Variants in ATIC observed in about 807,000 individuals in gnomAD.
The protein encoded by ATIC is bifunctional purine biosynthesis protein ATIC.
ATIC carries 64 observed loss-of-function variants against 72.5 expected under a neutral mutation model. That is an observed-to-expected ratio of 0.88 (90% CI 0.72 to 1.09). The LOEUF is 1.09. Ranked by LOEUF, ATIC falls within the 50% of genes least tolerant of loss-of-function variation. ATIC has a pLI of 0.00. For synonymous variants in ATIC, 281 were observed against 267.1 expected (o/e 1.05, Z -0.51); for missense variants, 787 against 732.4 (o/e 1.07, Z -0.86).
At position 215,326,006 on chromosome 2, in the gene ATIC, A is replaced by T; in HGVS notation, c.399A>T (p.Arg133Ser). ...QIDIGGVTLL[R>S]AAAKNHARVT... ...TCAAAGGTGGAGTAACCTTACTGAG[A>T]GCTGCAGCCAAAAACCACGCTCGAG... The change falls in exon 6 of 16, where the codon AGA (arginine) becomes AGT (serine). Residue 133 changes from arginine to serine, a missense_variant. Transcript: ENST00000236959. 6.2e-7 allele frequency: 1 copy of T among 1,614,170 alleles called. No individual in the cohort carries two copies. The highest frequency in any genetic ancestry group is 1.3e-5 in the African/African-American group (1 of 75,036).
At chr2:215,313,117 A>G (rs192269969) in intron 2 of ATIC, among the ~76,000 whole-genome samples, 4 of 152,298 alleles carry the variant, frequency 2.6e-5, no homozygotes, top group Admixed American at 2.6e-4. Flanking sequence ...CAGATTTAGC[A>G]TCTTCTGCAC....
chr2:215,354,335 A>AC (rs1189996206), downstream of ATIC, among the ~76,000 whole-genome samples: 2 of 152,064 alleles, frequency 1.3e-5, no homozygotes, highest in African/African-American at 4.8e-5. Context: ...TTCTCAGGAA[A>AC]CTAATTTTTT....
chr2:215,353,337 A>C (rs2053144809), downstream of ATIC, among the ~76,000 whole-genome samples: 1 of 149,404 alleles, frequency 6.7e-6, no homozygotes. Context: ...CTCCCCCATC[A>C]CCCCTACCTA....
At chr2:215,344,010 C>A (rs916296905) in intron 12 of ATIC, among the ~76,000 whole-genome samples, 1 of 152,120 alleles carries the variant, frequency 6.6e-6, no homozygotes, top group Non-Finnish European at 1.5e-5. Flanking sequence ...AGAAAATGAT[C>A]GTAATTTGAT....
At chr2:215,354,222 G>A (rs1221684853), downstream of ATIC, among the ~76,000 whole-genome samples, 5 of 151,718 alleles carry the variant, frequency 3.3e-5, no homozygotes, top group African/African-American at 9.7e-5. Flanking sequence ...AGAGATGAGG[G>A]TTTCACCATG....
At chr2:215,367,096 G>C in the ATIC span, among the ~76,000 whole-genome samples, 1 of 152,066 alleles carries the variant, frequency 6.6e-6, no homozygotes. Context: ...TATGTCTATA[G>C]GAGGCTTATT....
chr2:215,349,871 G>A (rs898558665), downstream of ATIC: 7 of 803,762 alleles, frequency 8.7e-6, no homozygotes, highest in Admixed American at 2.5e-5. Flanking sequence ...CCTGCCTACC[G>A]GAGCTCAGCC....
intron 2 of ATIC, among the ~76,000 whole-genome samples, chr2:215,317,520 C>T (rs971989874): frequency 2.6e-5 from 4 of 152,158 alleles, no homozygotes; most frequent in African/African-American, 9.7e-5. Flanking sequence ...GAGTCTTGCT[C>T]TGTCGCCCAG....
intron 2 of ATIC, among the ~76,000 whole-genome samples, chr2:215,316,790 T>C (rs1338283795): frequency 6.6e-6 from 1 of 152,084 alleles, no homozygotes; most frequent in Non-Finnish European, 1.5e-5. Context: ...GAGACGGAGT[T>C]TTGCTGTTGT....
At chr2:215,364,619 G>A in the ATIC span, 1 of 552,864 alleles carries the variant, frequency 1.8e-6, no homozygotes, top group Non-Finnish European at 3.3e-6. Flanking sequence ...TATTAAGAAT[G>A]ACTCAAGACT....
At chr2:215,317,629 G>A (rs541251260) in intron 2 of ATIC, among the ~76,000 whole-genome samples, 1 of 152,146 alleles carries the variant, frequency 6.6e-6, no homozygotes, top group South Asian at 2.1e-4. Context: ...GGGATTACAG[G>A]TGCCCGCCAT....
chr2:215,312,179 C>G lies in ATIC; in HGVS notation c.19+18C>G, dbSNP rs770383975. The G allele has an allele frequency of 4.0e-6, 6 of 1,501,508 alleles. No homozygotes were observed. In the South Asian group the frequency reaches 7.5e-5, roughly 19 times the overall value. The allele number at this position is 1,501,508 out of a possible 1,614,324, so 93.0% of individuals were successfully genotyped here. On this transcript the variant is annotated intron_variant, in intron 1 of 15. Transcript: ENST00000236959. ...CCAGCTCGGTGAGGCCCTAGCGGAG[C>G]GGCGCGGTCTGCGTCCTCGCCTGCG...
chr2:215,321,217 A>C (rs543235980), intron 4 of ATIC, among the ~76,000 whole-genome samples: 2 of 152,322 alleles, frequency 1.3e-5, no homozygotes, highest in Admixed American at 1.3e-4. Context: ...ATTTTCATAT[A>C]AATAGAATCT....
At chr2:215,353,328 T>TC (rs2053144733), downstream of ATIC, among the ~76,000 whole-genome samples, 2 of 152,200 alleles carry the variant, frequency 1.3e-5, no homozygotes, top group South Asian at 4.2e-4. Flanking sequence ...TCCCAGTTTC[T>TC]CCCCCATCAC....
chr2:215,343,991 A>G (rs1465429372), intron 12 of ATIC, among the ~76,000 whole-genome samples: 1 of 152,232 alleles, frequency 6.6e-6, no homozygotes, highest in African/African-American at 2.4e-5. Flanking sequence ...AAGTTATTCT[A>G]AACAAAAGAG....
At chr2:215,366,613 A>C in the ATIC span, among the ~76,000 whole-genome samples, 1 of 152,222 alleles carries the variant, frequency 6.6e-6, no homozygotes, top group African/African-American at 2.4e-5. Flanking sequence ...TTATACAACA[A>C]AACACACCTC....
chr2:215,333,702 A>G (rs114406950), intron 9 of ATIC, among the ~76,000 whole-genome samples: 4,455 of 152,140 alleles, frequency 0.029, 216 homozygotes, highest in African/African-American at 0.1. Context: ...AATATTTGAG[A>G]TTGATTCTGT....
At position 215,347,771 on chromosome 2, in the gene ATIC, G is replaced by A. The variant is rs529977146; in HGVS notation, c.1503+830G>A. 9.5e-6 allele frequency: 4 copies of A among 423,118 alleles called. No homozygotes were observed. In the Admixed American group the frequency reaches 1.2e-4, roughly 13 times the overall value. 26.2% of individuals were successfully genotyped at this position (423,118 alleles called of 1,614,324 possible). On this transcript the variant is annotated intron_variant, in intron 14 of 15. Coordinates refer to ENST00000236959, the MANE Select transcript of ATIC (RefSeq NM_004044.7). ...CTGCTACTAGTCCTGAAAGAGTCCTGGAAGTGAACAAGAATAAAAGTATGT... is the reference window on the plus strand; with the variant it reads ...CTGCTACTAGTCCTGAAAGAGTCCTAGAAGTGAACAAGAATAAAAGTATGT...
rs1486850513 is a variant in ATIC, at chr2:215,349,113, G to C, written c.1523G>C (p.Trp508Ser). The C allele has an allele frequency of 6.2e-7, 1 of 1,614,074 alleles. No homozygotes were observed. Among genetic ancestry groups the C allele is most frequent in the Admixed American group, 1.7e-5 (1 of 60,010 alleles). Residue 508 changes from tryptophan (W) to serine (S), a missense_variant, in exon 15 of 16, where the codon TGG becomes TCG. Physicochemically the swap from Trp to Ser is radical, Grantham distance 177. Coordinates refer to ENST00000236959, the MANE Select transcript of ATIC (RefSeq NM_004044.7). Reference protein sequence around the residue: ...TIGEDEDLIKWKALFEEVPEL... With the variant: ...TIGEDEDLIKSKALFEEVPEL... ...GCATAGGATGAAGATTTGATAAAGT[G>C]GAAGGCACTGTTTGAGGAAGTCCCT...
Sources: allele counts gnomAD v4.1 joint callset (sites outside exome capture counted in the v4.1 genomes callset), GRCh38; gene constraint gnomAD v4.1.1; transcripts MANE v1.5; gene names NCBI Gene and HGNC (gene_info 2026-07-23, HGNC 2026-07-21).